The following DCSTAMP variants were observed in gnomAD, a reference collection of about 807,000 sequenced individuals.
The protein encoded by DCSTAMP is dendrocyte expressed seven transmembrane protein.
DCSTAMP carries 25 observed loss-of-function variants against 33.8 expected under a neutral mutation model. The observed-to-expected ratio is 0.74, with a 90% CI of 0.54 to 1.03. The LOEUF (loss-of-function observed/expected upper bound fraction) is 1.03. DCSTAMP is among the 50% of genes least tolerant of loss of function. The pLI is 0.00. For missense variants in DCSTAMP, 531 were observed against 556.8 expected, an observed-to-expected ratio of 0.95 and a Z score of 0.47; for synonymous variants, 245 against 216.7, an observed-to-expected ratio of 1.13 and a Z score of -1.15.
rs1810630837 is a variant in DCSTAMP at position 104,356,568 on chromosome 8, C to T, written c.*370C>T. 1 of 155,008 alleles carries T rather than the reference C, an allele frequency of 6.5e-6. No individual in the cohort carries two copies. The highest frequency in any genetic ancestry group is 2.4e-5 in the African/African-American group (1 of 41,526). 9.6% of individuals were successfully genotyped at this position (155,008 alleles called of 1,614,324 possible). ...ACAAGCAAATGCTAAGGGGAACATA[C>T]ATGTAAAAAGCCAGCAAACTATCTT... On this transcript the variant is annotated 3_prime_UTR_variant, in exon 4 of 4. Transcript: ENST00000297581.
At chr8:104,352,273 G>A (rs186583582) in intron 2 of DCSTAMP, among the ~76,000 whole-genome samples, 165 of 152,288 alleles carry the variant, frequency 1.1e-3, no homozygotes, top group African/African-American at 3.6e-3. Context: ...CTGCTTCTCA[G>A]AGTTGATTAT....
chr8:104,345,049 C>A (rs1810265286), intron 1 of DCSTAMP, among the ~76,000 whole-genome samples: 1 of 152,020 alleles, frequency 6.6e-6, no homozygotes, highest in South Asian at 2.1e-4. Flanking sequence ...ATCCTCCCAC[C>A]TCAGTGTGGG....
chr8:104,345,153 A>T (rs1487616831), intron 1 of DCSTAMP, among the ~76,000 whole-genome samples: 1 of 152,070 alleles, frequency 6.6e-6, no homozygotes, highest in Non-Finnish European at 1.5e-5. Context: ...AGAGCAGAGA[A>T]TGGACATTCT....
rs536009866 is a variant in DCSTAMP at position 104,356,226 on chromosome 8, C to T, written c.*28C>T. ...GACCCCGACTACTCCTCAGCCACATCGCACCAACAATTCTCTTCAGGTCTA... is the reference window on the plus strand; with the variant it reads ...GACCCCGACTACTCCTCAGCCACATTGCACCAACAATTCTCTTCAGGTCTA... On this transcript the variant is annotated 3_prime_UTR_variant, in exon 4 of 4. Transcript: ENST00000297581. 29 of 1,599,248 alleles carry T rather than the reference C, an allele frequency of 1.8e-5. No individual in the cohort carries two copies. The highest frequency in any genetic ancestry group is 2.3e-5 in the Non-Finnish European group (27 of 1,172,220).
intron 1 of DCSTAMP, among the ~76,000 whole-genome samples, chr8:104,346,320 A>G (rs1269802908): frequency 2.0e-5 from 3 of 152,232 alleles, no homozygotes; most frequent in East Asian, 1.9e-4. Flanking sequence ...ACAGCTCCTG[A>G]CTTGGTCTGG....
At chr8:104,352,422 G>T (rs1219447090) in intron 2 of DCSTAMP, among the ~76,000 whole-genome samples, 2 of 152,094 alleles carry the variant, frequency 1.3e-5, no homozygotes, top group African/African-American at 4.8e-5. Context: ...CTTGATCTTT[G>T]GGGGTGGCCA....
chr8:104,355,448 C>T (rs1325299516), intron 3 of DCSTAMP, among the ~76,000 whole-genome samples: 2 of 152,050 alleles, frequency 1.3e-5, no homozygotes, highest in East Asian at 1.9e-4. Context: ...TGTAGAGAGG[C>T]GACTGGAGAG....
At chr8:104,351,224 G>T (rs2514670) in intron 2 of DCSTAMP, among the ~76,000 whole-genome samples, 16 of 152,010 alleles carry the variant, frequency 1.1e-4, no homozygotes, top group Non-Finnish European at 1.5e-4. Flanking sequence ...ACATTTCAGA[G>T]GATCTGGATA....
intron 2 of DCSTAMP, among the ~76,000 whole-genome samples, chr8:104,354,618 T>C (rs1810562195): frequency 6.6e-6 from 1 of 152,216 alleles, no homozygotes; most frequent in Admixed American, 6.5e-5. Flanking sequence ...AAAAAATGTA[T>C]TTAATACACT....
chr8:104,352,652 A>T (rs1330678297), intron 2 of DCSTAMP, among the ~76,000 whole-genome samples: 3 of 152,042 alleles, frequency 2.0e-5, no homozygotes, highest in Non-Finnish European at 4.4e-5. Flanking sequence ...TTCCAATGAC[A>T]ATGCCCTGAC....
rs1299888965 is a variant in DCSTAMP at position 104,349,464 on chromosome 8, C to T, written c.912C>T (p.Leu304=). The T allele has an allele frequency of 1.2e-6, 2 of 1,614,076 alleles. No homozygotes were observed. Among genetic ancestry groups the T allele is most frequent in the African/African-American group, 2.7e-5 (2 of 74,914 alleles). ...GLFFLPILIH[L]CIWVLFAAVD... ...TTTTCCTCCCCATACTTATCCATCT[C>T]TGCATCTGGGTGCTGTTTGCAGCTG... The change falls in exon 2 of 4, where the codon CTC becomes CTT. Residue 304 remains leucine, a synonymous_variant. Coordinates refer to ENST00000297581, the MANE Select transcript of DCSTAMP (RefSeq NM_030788.4).
Position 104,349,440 on chromosome 8 carries a change from T to C in DCSTAMP, c.888T>C (p.Phe296=), listed in dbSNP as rs1244030505. 6.2e-7 allele frequency: 1 copy of C among 1,614,182 alleles called. No individual in the cohort carries two copies. The highest frequency in any genetic ancestry group is 8.5e-7 in the Non-Finnish European group (1 of 1,180,036). ...TPKERKNLGL[F]FLPILIHLCI... Reference sequence around the variant, plus strand: ...AAGAAAGGAAAAACCTGGGGCTGTTTTTCCTCCCCATACTTATCCATCTCT... The same window carrying C: ...AAGAAAGGAAAAACCTGGGGCTGTTCTTCCTCCCCATACTTATCCATCTCT... Residue 296 remains phenylalanine, a synonymous_variant, in exon 2 of 4, where the codon TTT becomes TTC. Transcript: ENST00000297581.
intron 3 of DCSTAMP, among the ~76,000 whole-genome samples, chr8:104,355,400 T>C (rs993229092): frequency 6.6e-6 from 1 of 152,312 alleles, no homozygotes; most frequent in African/African-American, 2.4e-5. Flanking sequence ...CTACAAGATA[T>C]CTTAAAATAT....
chr8:104,348,648 T>C lies in DCSTAMP; in HGVS notation c.96T>C (p.His32=). 6.2e-7 allele frequency: 1 copy of C among 1,614,176 alleles called. No homozygotes were observed. Among genetic ancestry groups the C allele is most frequent in the Non-Finnish European group, 8.5e-7 (1 of 1,180,014 alleles). The change falls in exon 2 of 4, where the codon CAT becomes CAC. Residue 32 remains histidine (H), a synonymous_variant. Transcript: ENST00000297581. ...RSPGWMDFIQ[H]LGVCCLVALI... is the part of the protein sequence containing the mutation. ...CCGGATGGATGGACTTTATCCAGCA[T>C]TTGGGAGTTTGCTGTTTGGTTGCTC...
At chr8:104,351,542 A>G (rs377398215) in intron 2 of DCSTAMP, among the ~76,000 whole-genome samples, 1 of 152,240 alleles carries the variant, frequency 6.6e-6, no homozygotes, top group South Asian at 2.1e-4. Flanking sequence ...GCATAGGCAG[A>G]GTGGCCCAGA....
intron 1 of DCSTAMP, chr8:104,340,331 G>C (rs140909595): frequency 5.4e-4 from 82 of 152,316 alleles, no homozygotes; most frequent in African/African-American, 1.8e-3. Flanking sequence ...CCCAAGGCAA[G>C]AACAATGAAA....
intron 1 of DCSTAMP, among the ~76,000 whole-genome samples, chr8:104,345,538 G>A (rs1389909348): frequency 6.6e-6 from 1 of 152,166 alleles, no homozygotes; most frequent in East Asian, 1.9e-4. Flanking sequence ...AAGAAAACGT[G>A]TTCTTCTTAC....
At chr8:104,341,928 T>C (rs1012484571) in intron 1 of DCSTAMP, among the ~76,000 whole-genome samples, 1 of 152,116 alleles carries the variant, frequency 6.6e-6, no homozygotes, top group African/African-American at 2.4e-5. Flanking sequence ...AGGTATTGTA[T>C]CCTGGGGACA....
At chr8:104,348,442 T>G (rs143215448) in intron 1 of DCSTAMP, 99 bp from the exon 2 acceptor site, 2 of 1,213,490 alleles carry the variant, frequency 1.6e-6, no homozygotes, top group African/African-American at 1.5e-5. Context: ...TAAAGAATTA[T>G]GGCCACGTTT....
Sources: gnomAD v4.1 joint callset for allele counts (sites outside exome capture counted in the v4.1 genomes callset) on GRCh38, gnomAD v4.1.1 for gene constraint, MANE v1.5 for transcripts, NCBI Gene and HGNC (gene_info 2026-07-23, HGNC 2026-07-21) for gene names.